Variants in ACTN1 observed in about 807,000 individuals in gnomAD.
ACTN1 encodes the protein alpha-actinin-1.
ACTN1 carries 30 observed loss-of-function variants against 119.6 expected under a neutral mutation model. That is an observed-to-expected ratio of 0.25 (90% confidence interval 0.19 to 0.34). The LOEUF (loss-of-function observed/expected upper bound fraction) is 0.34, where lower values mean the gene tolerates loss of function less well. ACTN1 is among the 10% of genes least tolerant of loss of function. The pLI, the probability that ACTN1 is intolerant of heterozygous loss-of-function variation, is 1.00. For missense variants in ACTN1, 764 were observed against 1,223.4 expected, an observed-to-expected ratio of 0.62 and a Z score of 5.60; for synonymous variants, 429 against 472.6, an observed-to-expected ratio of 0.91 and a Z score of 1.20.
chr14:68,915,246 T>G, intron 3 of ACTN1, among the ~76,000 whole-genome samples: 1 of 129,034 alleles, frequency 7.7e-6, no homozygotes, highest in East Asian at 2.1e-4. Flanking sequence ...TTCCCCCTCC[T>G]CCCCCTGCTC....
chr14:68,973,183 G>T (rs1338005065), intron 1 of ACTN1, among the ~76,000 whole-genome samples: 1 of 152,276 alleles, frequency 6.6e-6, no homozygotes, highest in South Asian at 2.1e-4. Flanking sequence ...CCCATCTGCT[G>T]AGAAGAGAAG....
In ACTN1 at chr14:68,976,169, A is replaced by C. The variant is rs192244299; in HGVS notation, c.105+2783T>G. ...CGATGAAATGGAAAGACTTGCCCAA[A>C]GTCTCAGAAATAGCTATGGCTGCAC... is the stretch of plus-strand genomic sequence containing the variant. On this transcript the variant is annotated intron_variant, in intron 1 of 21. Coordinates refer to ENST00000394419, the MANE Select transcript of ACTN1 (RefSeq NM_001130004.2). Among the ~76,000 whole-genome samples the C allele has an allele frequency of 2.5e-4, 38 of 152,352 alleles. No homozygotes were observed. The East Asian group carries it at 7.1e-3, about 29-fold the overall frequency.
intron 1 of ACTN1, among the ~76,000 whole-genome samples, chr14:68,962,224 G>A (rs931034807): frequency 6.6e-6 from 1 of 152,208 alleles, no homozygotes; most frequent in African/African-American, 2.4e-5. Flanking sequence ...CGCCTGGGTG[G>A]TCTGAGGAGG....
chr14:68,932,992 T>C (rs2035298214), intron 1 of ACTN1, among the ~76,000 whole-genome samples: 1 of 152,172 alleles, frequency 6.6e-6, no homozygotes, highest in South Asian at 2.1e-4. Flanking sequence ...CTCTCCTGAG[T>C]GCTTTACCTC....
rs779913497 is a variant in ACTN1 at position 68,909,957 on chromosome 14, T to C, written c.513A>G (p.Ile171Met). 1.9e-6 allele frequency: 3 copies of C among 1,613,550 alleles called. No individual in the cohort carries two copies. In the South Asian group the frequency reaches 3.3e-5, roughly 18 times the overall value. The change falls in exon 5 of 22, where the codon ATA (isoleucine) becomes ATG (methionine). Residue 171 changes from isoleucine (I) to methionine (M), a missense_variant and splice_region_variant. Transcript: ENST00000394419. This position sits in a 1 kb window ranked among gnomAD's most constrained non-coding sequence, Gnocchi z 4.1. The stretch of plus-strand genomic sequence containing the variant: ...GCCCCTCAGACCCCAGCACTCACCT[T>C]ATGTGGAAGTTCTGGATGTTGACAT... Reference protein sequence around the residue: ...YKNVNIQNFHISWKDGLGFCA... With the variant: ...YKNVNIQNFHMSWKDGLGFCA...
In ACTN1 at chr14:68,882,410, G is replaced by T. The variant is rs375444295; in HGVS notation, c.1953+48C>A. On this transcript the variant is annotated intron_variant, in intron 16 of 21. Coordinates refer to ENST00000394419, the MANE Select transcript of ACTN1 (RefSeq NM_001130004.2). The surrounding 1 kb of genome is among the most constrained non-coding windows in gnomAD (Gnocchi z 4.5). Reference sequence around the variant, plus strand: ...AGCCTGGCTGGCTAGGATAGTGTCGGGGGGGAGGGGTGGGAGCCCCAGCAC... The same window carrying T: ...AGCCTGGCTGGCTAGGATAGTGTCGTGGGGGAGGGGTGGGAGCCCCAGCAC... 8.7e-6 allele frequency: 14 copies of T among 1,603,578 alleles called. No individual in the cohort carries two copies. The East Asian group carries it at 1.3e-4, about 15-fold the overall frequency.
chr14:68,942,967 C>T (rs1186850596), intron 1 of ACTN1, among the ~76,000 whole-genome samples: 1 of 152,136 alleles, frequency 6.6e-6, no homozygotes, highest in Non-Finnish European at 1.5e-5. Flanking sequence ...AGGAGCCTAA[C>T]GACCTCAATT....
At chr14:68,888,519 G>T (rs1019292178) in intron 11 of ACTN1, among the ~76,000 whole-genome samples, 1 of 152,140 alleles carries the variant, frequency 6.6e-6, no homozygotes, top group Admixed American at 6.5e-5. Flanking sequence ...GCAAAGCCCA[G>T]CATTTGTACT....
At chr14:68,913,066 T>A (rs538828665) in intron 3 of ACTN1, among the ~76,000 whole-genome samples, 14 of 152,350 alleles carry the variant, frequency 9.2e-5, no homozygotes, top group Admixed American at 2.6e-4. Flanking sequence ...GATGTTTTTT[T>A]AAAAAATCAA....
At chr14:68,908,775 C>T (rs945233656) in intron 6 of ACTN1, among the ~76,000 whole-genome samples, 8 of 152,150 alleles carry the variant, frequency 5.3e-5, no homozygotes, top group African/African-American at 1.9e-4. Context: ...GCATCTGTCC[C>T]CACTCCACAC....
chr14:68,972,471 G>T (rs2036920408), intron 1 of ACTN1, among the ~76,000 whole-genome samples: 1 of 152,086 alleles, frequency 6.6e-6, no homozygotes, highest in Admixed American at 6.5e-5. Flanking sequence ...CTTTATATTA[G>T]TTAATAATTT....
At chr14:68,910,663 C>T (rs60268202) in intron 4 of ACTN1, among the ~76,000 whole-genome samples, 27,009 of 152,056 alleles carry the variant, frequency 0.18, 3,232 homozygotes, top group East Asian at 0.63. Flanking sequence ...TACCCCCCTG[C>T]TAGGTTTGTG....
At chr14:68,897,851 C>T (rs1257981615) in intron 8 of ACTN1, among the ~76,000 whole-genome samples, 1 of 152,246 alleles carries the variant, frequency 6.6e-6, no homozygotes, top group South Asian at 2.1e-4. Context: ...GAAACTGGCC[C>T]CTTTCCTCAG....
rs910944640 is a variant in ACTN1, at chr14:68,895,738, G to A, written c.763-1991C>T. Among the ~76,000 whole-genome samples, 8 of 152,256 alleles carry A rather than the reference G, an allele frequency of 5.3e-5. 1 individual carries two copies. Among genetic ancestry groups the A allele is most frequent in the Admixed American group, 3.9e-4 (6 of 15,302 alleles). On this transcript the variant is annotated intron_variant, in intron 8 of 21. Transcript: ENST00000394419. ...TGTTACTCTCCTGATCCATCGGCTC[G>A]ATGGTCATAAAATCTGATGTGTGCC...
At chr14:68,944,007 G>C (rs1459339280) in intron 1 of ACTN1, among the ~76,000 whole-genome samples, 1 of 152,186 alleles carries the variant, frequency 6.6e-6, no homozygotes, top group Admixed American at 6.5e-5. Flanking sequence ...AGCCACACGG[G>C]CACCCACTCA....
At chr14:68,883,999 G>T (rs1439498406) in intron 14 of ACTN1, among the ~76,000 whole-genome samples, 169 bp downstream of exon 14, 1 of 152,130 alleles carries the variant, frequency 6.6e-6, no homozygotes, top group African/African-American at 2.4e-5. Flanking sequence ...TTAAATTTTA[G>T]ATCATGCACA....
rs2033407835 is a variant in ACTN1 at position 68,902,556 on chromosome 14, A to G, written c.683T>C (p.Val228Ala). ...IPKMLDAEDI[V>A]GTARPDEKAI... ...TTTCTCATCCGGTCGGGCAGTTCCA[A>G]CGATGTCTGTCAAGAAAAATCTGGA... The change falls in exon 8 of 22, where the codon GTT (valine) becomes GCT (alanine). Residue 228 changes from valine to alanine, a missense_variant. Transcript: ENST00000394419. 1 of 1,613,602 alleles carries G rather than the reference A, an allele frequency of 6.2e-7. No homozygotes were observed. The highest frequency in any genetic ancestry group is 1.3e-5 in the African/African-American group (1 of 74,880).
At chr14:68,950,462 G>GTGTGTGTGTGTGTATA in intron 1 of ACTN1, among the ~76,000 whole-genome samples, 5 of 125,912 alleles carry the variant, frequency 4.0e-5, no homozygotes, top group South Asian at 2.2e-4. Flanking sequence ...ATGCGTGTGT[G>GTGTGTGTGTGTGTATA]TATATATATA....
chr14:68,965,889 C>CA (rs1338415969), intron 1 of ACTN1, among the ~76,000 whole-genome samples: 4 of 152,220 alleles, frequency 2.6e-5, no homozygotes, highest in Non-Finnish European at 5.9e-5. Context: ...GGCCAGGCTA[C>CA]AAAGCCCAGG....
Sources: allele counts gnomAD v4.1 joint callset (sites outside exome capture counted in the v4.1 genomes callset), GRCh38; gene constraint gnomAD v4.1.1; non-coding constraint Gnocchi (gnomAD v3.1); transcripts MANE v1.5; gene names NCBI Gene and HGNC (gene_info 2026-07-23, HGNC 2026-07-21).